DNAJC13: variants seen among roughly 807,000 people sequenced by gnomAD.
DNAJC13 encodes dnaJ homolog subfamily C member 13.
DNAJC13 carries 75 observed loss-of-function variants against 290.5 expected under a neutral mutation model. That is an observed-to-expected ratio of 0.26 (90% confidence interval 0.21 to 0.31). DNAJC13 has a LOEUF of 0.31. Ranked by LOEUF, DNAJC13 falls within the 10% of genes least tolerant of loss-of-function variation. The pLI is 1.00. For synonymous variants in DNAJC13, 862 were observed against 892.0 expected, an observed-to-expected ratio of 0.97 and a Z score of 0.60; for missense variants, 2,260 against 2,674.5, an observed-to-expected ratio of 0.85 and a Z score of 3.42.
At chr3:132,523,798 C>G (rs9833627) in intron 51 of DNAJC13, 85 bp downstream of exon 51, 2 of 1,344,584 alleles carry the variant, frequency 1.5e-6, no homozygotes, top group Non-Finnish European at 1.0e-6. Flanking sequence ...TTCACAAAGA[C>G]CATGAATTAG....
chr3:132,477,156 A>T (rs1274348504), intron 22 of DNAJC13, among the ~76,000 whole-genome samples: 2 of 152,210 alleles, frequency 1.3e-5, no homozygotes, highest in Non-Finnish European at 2.9e-5. Flanking sequence ...GGTTTTATAT[A>T]ATTTATATTT....
chr3:132,447,272 C>T, intron 3 of DNAJC13, 49 bp from the exon 4 acceptor site: 1 of 1,367,802 alleles, frequency 7.3e-7, no homozygotes, highest in Middle Eastern at 1.9e-4. Context: ...ATAAGCATTA[C>T]ATTTTACTGT....
At chr3:132,442,164 G>T (rs970940187) in intron 2 of DNAJC13, among the ~76,000 whole-genome samples, 3 of 151,210 alleles carry the variant, frequency 2.0e-5, no homozygotes, top group East Asian at 1.9e-4. Flanking sequence ...AAAATTGTTG[G>T]TTTTTTTGTG....
At chr3:132,436,347 A>G (rs1939384995) in intron 2 of DNAJC13, among the ~76,000 whole-genome samples, 1 of 152,194 alleles carries the variant, frequency 6.6e-6, no homozygotes, top group African/African-American at 2.4e-5. Flanking sequence ...CATTAAGCAT[A>G]ATGTTTTCAA....
At position 132,453,065 on chromosome 3, in the gene DNAJC13, G is replaced by A. The variant is rs74996282; in HGVS notation, c.538-233G>A. Among the ~76,000 whole-genome samples, 609 of 152,300 alleles carry A rather than the reference G, an allele frequency of 4.0e-3. 3 individuals carry two copies. Among genetic ancestry groups the A allele is most frequent in the Middle Eastern group, 0.01 (3 of 294 alleles). On this transcript the variant is annotated intron_variant, in intron 6 of 55. Coordinates refer to ENST00000260818, the MANE Select transcript of DNAJC13 (RefSeq NM_015268.4). ...CAAGGTGATGAGAACCAGAACCTGA[G>A]AAATTTTGAGATAATTGCCGTTCAG...
At chr3:132,437,670 G>T (rs1463462485) in intron 2 of DNAJC13, among the ~76,000 whole-genome samples, 1 of 152,134 alleles carries the variant, frequency 6.6e-6, no homozygotes, top group Non-Finnish European at 1.5e-5. Flanking sequence ...TGTTGATCCT[G>T]TATGCCTAAC....
At chr3:132,500,248 C>T (rs1345446193) in intron 38 of DNAJC13, among the ~76,000 whole-genome samples, 2 of 152,110 alleles carry the variant, frequency 1.3e-5, no homozygotes, top group African/African-American at 2.4e-5. Context: ...CTTTGTAGAG[C>T]GTGTCTTTCT....
At chr3:132,479,408 A>C in intron 25 of DNAJC13, 119 bp downstream of exon 25, 1 of 697,590 alleles carries the variant, frequency 1.4e-6, no homozygotes, top group East Asian at 2.7e-5. Flanking sequence ...CTTTTTAGAC[A>C]GAAAGTTCTG....
chr3:132,453,763 A>G, intron 8 of DNAJC13, 69 bp downstream of exon 8: 1 of 1,349,732 alleles, frequency 7.4e-7, no homozygotes, highest in Non-Finnish European at 1.0e-6. Flanking sequence ...TTTTCTTTCT[A>G]TTTTAATGTT....
chr3:132,462,619 T>G, intron 16 of DNAJC13, 96 bp downstream of exon 16: 1 of 827,696 alleles, frequency 1.2e-6, no homozygotes, highest in Admixed American at 2.6e-5. Context: ...TTTTGGGAAA[T>G]AAACATTTCT....
At chr3:132,495,000 G>A (rs945376093) in intron 34 of DNAJC13, 88 bp from the exon 35 acceptor site, 5 of 859,212 alleles carry the variant, frequency 5.8e-6, no homozygotes, top group Non-Finnish European at 9.2e-6. Context: ...CTTGATATTA[G>A]ATTCTTAAAA....
chr3:132,420,679 A>G (rs1938928849), intron 1 of DNAJC13, among the ~76,000 whole-genome samples: 1 of 152,182 alleles, frequency 6.6e-6, no homozygotes, highest in Non-Finnish European at 1.5e-5. Context: ...GCTCTAGTAA[A>G]CCATCGCCCA....
intron 1 of DNAJC13, among the ~76,000 whole-genome samples, chr3:132,420,730 A>C (rs1938930529): frequency 6.6e-6 from 1 of 152,198 alleles, no homozygotes; most frequent in African/African-American, 2.4e-5. Flanking sequence ...GAAGGCTGTA[A>C]TACACTGAGG....
At chr3:132,525,548 C>A in intron 51 of DNAJC13, 62 bp from the exon 52 acceptor site, 1 of 1,525,728 alleles carries the variant, frequency 6.6e-7, no homozygotes, top group Non-Finnish European at 8.9e-7. Context: ...AATACATTAC[C>A]TTGGATATTT....
In DNAJC13 at chr3:132,490,097, TAACA is replaced by T. The variant is rs1308132856; in HGVS notation, c.3469-799_3469-796del. 8.5e-5 allele frequency among the ~76,000 whole-genome samples: 13 copies of T among 152,342 alleles called. No homozygotes were observed. The South Asian group carries it at 1.4e-3, about 17-fold the overall frequency. On this transcript the variant is annotated intron_variant, in intron 31 of 55. Coordinates refer to ENST00000260818, the MANE Select transcript of DNAJC13 (RefSeq NM_015268.4). ...ACTAGCAATTCTTTACCCAAAAGTT[TAACA>T]GATAGTGAATTTGTTACTCTTATTA...
intron 21 of DNAJC13, 27 bp downstream of exon 21, chr3:132,473,254 A>C: frequency 6.7e-7 from 1 of 1,495,884 alleles, no homozygotes; most frequent in Non-Finnish European, 9.2e-7. Context: ...TTTTCCAATA[A>C]AGATTAAATT....
intron 20 of DNAJC13, among the ~76,000 whole-genome samples, chr3:132,470,705 G>C (rs1246140653): frequency 1.8e-5 from 2 of 112,246 alleles, no homozygotes; most frequent in African/African-American, 3.6e-5. Flanking sequence ...GCGGCTGGCC[G>C]GGCAGAGGGG....
intron 19 of DNAJC13, 124 bp downstream of exon 19, chr3:132,466,518 A>AT: frequency 3.2e-6 from 2 of 628,128 alleles, no homozygotes; most frequent in Non-Finnish European, 4.9e-6. Flanking sequence ...TAGTATACTT[A>AT]ACTATTGATA....
chr3:132,487,417 C>T (rs908226155), intron 29 of DNAJC13, among the ~76,000 whole-genome samples: 3 of 150,170 alleles, frequency 2.0e-5, no homozygotes, highest in Non-Finnish European at 2.9e-5. Context: ...CCACCATGCC[C>T]GGCTAATTTT....
Sources: gnomAD v4.1 joint callset for allele counts (sites outside exome capture counted in the v4.1 genomes callset) on GRCh38, gnomAD v4.1.1 for gene constraint, MANE v1.5 for transcripts, NCBI Gene and HGNC (gene_info 2026-07-23, HGNC 2026-07-21) for gene names.